The following ELF2 variants were observed in gnomAD, a reference collection of about 807,000 sequenced individuals.
The protein encoded by ELF2 is ETS-related transcription factor Elf-2.
In ELF2, 11 loss-of-function variants were observed where a neutral mutation model predicts 54.8. That is an observed-to-expected ratio of 0.20 (90% CI 0.13 to 0.33). ELF2 has a LOEUF of 0.33. Ranked by LOEUF, ELF2 falls within the 10% of genes least tolerant of loss-of-function variation. The probability of loss-of-function intolerance (pLI) is 1.00; values close to 1 mark genes in which losing one functional copy is unlikely to be tolerated. For synonymous variants in ELF2, 203 were observed against 245.1 expected, an observed-to-expected ratio of 0.83 and a Z score of 1.61; for missense variants, 513 against 703.0, an observed-to-expected ratio of 0.73 and a Z score of 3.06.
intron 4 of ELF2, among the ~76,000 whole-genome samples, chr4:139,122,823 TA>T (rs780094997): frequency 4.6e-5 from 7 of 151,970 alleles, no homozygotes; most frequent in Admixed American, 3.3e-4. Context: ...GAAACAATAT[TA>T]AGCTCAGATT....
chr4:139,115,016 A>G, intron 4 of ELF2: 3 of 1,613,836 alleles, frequency 1.9e-6, no homozygotes, highest in Non-Finnish European at 2.5e-6. Context: ...GGTTTGTAAC[A>G]GTCAACCAGC....
At chr4:139,154,072 A>T (rs913869900) in intron 1 of ELF2, among the ~76,000 whole-genome samples, 2 of 152,206 alleles carry the variant, frequency 1.3e-5, no homozygotes, top group African/African-American at 4.8e-5. Flanking sequence ...GCCTGGGTAC[A>T]TCCTCAACCT....
chr4:139,152,111 G>C (rs1449846020), intron 1 of ELF2, among the ~76,000 whole-genome samples: 1 of 152,182 alleles, frequency 6.6e-6, no homozygotes, highest in Non-Finnish European at 1.5e-5. Flanking sequence ...TCTCTGGGGT[G>C]AAAGAAATAT....
At chr4:139,104,533 G>T (rs377017288) in intron 4 of ELF2, among the ~76,000 whole-genome samples, 3 of 140,434 alleles carry the variant, frequency 2.1e-5, no homozygotes, top group African/African-American at 7.8e-5. Context: ...AAAAAGAAAA[G>T]AAAAGAAAAA....
intron 3 of ELF2, among the ~76,000 whole-genome samples, chr4:139,135,269 G>GTT (rs1560852313): frequency 1.4e-4 from 20 of 145,682 alleles, no homozygotes; most frequent in African/African-American, 3.1e-4. Flanking sequence ...GTGTGTGTGT[G>GTT]TGTGTGTGTG....
intron 4 of ELF2, among the ~76,000 whole-genome samples, chr4:139,104,511 AAAAAAAAAAAAAAAAAG>A: frequency 6.7e-6 from 1 of 148,400 alleles, no homozygotes; most frequent in Non-Finnish European, 1.5e-5. Context: ...TCTGTCTCAA[AAAAAAAAAAAAAAAAAG>A]AAAAGAAAAG....
intron 1 of ELF2, among the ~76,000 whole-genome samples, chr4:139,141,916 A>G (rs1738745114): frequency 6.6e-6 from 1 of 152,164 alleles, no homozygotes; most frequent in African/African-American, 2.4e-5. Flanking sequence ...TTGAAATTAG[A>G]TAAGGTATAC....
chr4:139,089,044 G>A lies in ELF2; in HGVS notation c.239-15477C>T, dbSNP rs188658875. On this transcript the variant is annotated intron_variant, in intron 4 of 9. Transcript: ENST00000686138. ...AGTGCTGGGATTACAGGCGTGAGCC[G>A]CCGTGCCTGGCCAAGGACTTTCAAT... is the stretch of plus-strand genomic sequence containing the variant. 8.4e-4 allele frequency among the ~76,000 whole-genome samples: 128 copies of A among 152,262 alleles called. 3 individuals are homozygous for A. In the East Asian group the frequency reaches 0.016, roughly 19 times the overall value.
At chr4:139,166,070 G>A (rs1367679773) in intron 1 of ELF2, among the ~76,000 whole-genome samples, 1 of 152,176 alleles carries the variant, frequency 6.6e-6, no homozygotes, top group Non-Finnish European at 1.5e-5. Flanking sequence ...GGGCATGGTG[G>A]CTCACGCCTG....
intron 4 of ELF2, among the ~76,000 whole-genome samples, chr4:139,110,390 A>G (rs1458734379): frequency 6.6e-6 from 1 of 152,202 alleles, no homozygotes; most frequent in Non-Finnish European, 1.5e-5. Context: ...ATGGCCATGG[A>G]ATAAAACTAA....
chr4:139,159,811 A>G (rs1740922677), intron 1 of ELF2, among the ~76,000 whole-genome samples: 1 of 152,208 alleles, frequency 6.6e-6, no homozygotes, highest in Non-Finnish European at 1.5e-5. Context: ...AGTTTTTATT[A>G]AAGTGGCATT....
intron 1 of ELF2, among the ~76,000 whole-genome samples, chr4:139,150,379 A>C (rs936078605): frequency 5.9e-5 from 9 of 151,606 alleles, no homozygotes; most frequent in African/African-American, 2.2e-4. Flanking sequence ...AAAAAAAAAA[A>C]AATTAGCTGG....
At chr4:139,177,699 C>T (rs2148929363), upstream of ELF2, among the ~76,000 whole-genome samples, 1 of 151,918 alleles carries the variant, frequency 6.6e-6, no homozygotes, top group African/African-American at 2.4e-5. Flanking sequence ...CGCCCGCCGG[C>T]TTTCCCCCGC....
chr4:139,059,995 G>A (rs1727594774), intron 9 of ELF2, among the ~76,000 whole-genome samples: 1 of 152,006 alleles, frequency 6.6e-6, no homozygotes, highest in African/African-American at 2.4e-5. Flanking sequence ...CTACAGGTGT[G>A]TGCCACCATG....
intron 3 of ELF2, among the ~76,000 whole-genome samples, chr4:139,128,878 C>T (rs968293305): frequency 5.9e-5 from 9 of 152,216 alleles, no homozygotes; most frequent in Middle Eastern, 3.4e-3. Flanking sequence ...ACTGCCTCCC[C>T]GCAGACTCAT....
intron 1 of ELF2, among the ~76,000 whole-genome samples, chr4:139,163,251 G>A (rs748440783): frequency 2.0e-5 from 3 of 151,956 alleles, no homozygotes; most frequent in Admixed American, 6.6e-5. Context: ...ATGTGGCTTT[G>A]ATGAGAAAAA....
intron 3 of ELF2, chr4:139,136,652 C>A (rs937336980): frequency 1.3e-5 from 2 of 151,256 alleles, no homozygotes; most frequent in African/African-American, 4.9e-5. Flanking sequence ...TAGATCCCTT[C>A]CAATATTCAC....
intron 7 of ELF2, among the ~76,000 whole-genome samples, chr4:139,063,633 G>T (rs907762674): frequency 6.6e-6 from 1 of 152,288 alleles, no homozygotes; most frequent in South Asian, 2.1e-4. Flanking sequence ...GAAGGGGAAA[G>T]AAAGTAGATG....
chr4:139,165,460 C>A (rs536269688), intron 1 of ELF2, among the ~76,000 whole-genome samples: 3 of 151,924 alleles, frequency 2.0e-5, no homozygotes, highest in Non-Finnish European at 4.4e-5. Context: ...GGTCAGAGTT[C>A]GAGACCAACC....
Sources: allele counts gnomAD v4.1 joint callset (sites outside exome capture counted in the v4.1 genomes callset), GRCh38; gene constraint gnomAD v4.1.1; transcripts MANE v1.5; gene names NCBI Gene and HGNC (gene_info 2026-07-23, HGNC 2026-07-21).